MCTP1: variants seen among roughly 807,000 people sequenced by gnomAD.
MCTP1 encodes the protein multiple C2 and transmembrane domain-containing protein 1.
In MCTP1, 69 loss-of-function variants were observed where a neutral mutation model predicts 120.6. The observed-to-expected ratio is 0.57, with a 90% CI of 0.47 to 0.70. MCTP1 has a LOEUF of 0.70. Among genes scored for constraint, MCTP1 ranks in the 30% least tolerant of loss-of-function variants. The probability of loss-of-function intolerance (pLI) is 0.00; values close to 1 mark genes in which losing one functional copy is unlikely to be tolerated. For missense variants in MCTP1, 1,203 were observed against 1,248.8 expected (o/e 0.96, Z 0.55); for synonymous variants, 529 against 493.1 (o/e 1.07, Z -0.96).
intron 1 of MCTP1, among the ~76,000 whole-genome samples, chr5:95,168,072 A>G (rs1276513046): frequency 6.6e-6 from 1 of 152,164 alleles, no homozygotes; most frequent in Non-Finnish European, 1.5e-5. Flanking sequence ...TAATTTTTGT[A>G]TAAGGTGTAA....
chr5:95,178,249 G>A (rs1032905519), intron 1 of MCTP1, among the ~76,000 whole-genome samples: 8 of 152,204 alleles, frequency 5.3e-5, no homozygotes, highest in African/African-American at 1.9e-4. Context: ...CCCACCTAGT[G>A]GTCTTTCTCT....
In MCTP1 at chr5:94,964,944, G is replaced by A. The variant is rs1341778577; in HGVS notation, c.839-11583C>T. 2.6e-5 allele frequency among the ~76,000 whole-genome samples: 4 copies of A among 151,924 alleles called. No individual in the cohort carries two copies. In the East Asian group the frequency reaches 5.8e-4, roughly 22 times the overall value. ...AGTTATTTTTAATAATTTTGTCTTT[G>A]AACTTTCATAATAAATTTAAAAATG... On this transcript the variant is annotated intron_variant, in intron 2 of 22. Coordinates refer to ENST00000515393, the MANE Select transcript of MCTP1 (RefSeq NM_024717.7).
chr5:94,957,927 A>G lies in MCTP1; in HGVS notation c.839-4566T>C, dbSNP rs771224827. ...GCTCTGGACTAAGTGGACCTAATAGACATCTACAGAATTCTCCACCCCAGA... is the reference window on the plus strand; with the variant it reads ...GCTCTGGACTAAGTGGACCTAATAGGCATCTACAGAATTCTCCACCCCAGA... On this transcript the variant is annotated intron_variant, in intron 2 of 22. Transcript: ENST00000515393. 2.6e-5 allele frequency among the ~76,000 whole-genome samples: 4 copies of G among 152,252 alleles called. No individual in the cohort carries two copies. In the East Asian group the frequency reaches 7.7e-4, roughly 29 times the overall value.
chr5:95,018,672 T>C (rs2153669946), intron 1 of MCTP1, among the ~76,000 whole-genome samples: 1 of 152,216 alleles, frequency 6.6e-6, no homozygotes, highest in South Asian at 2.1e-4. Context: ...TCCTTGTTTC[T>C]ATAAATGATT....
At chr5:94,894,552 GACA>G (rs1803441116) in intron 11 of MCTP1, 94 bp downstream of exon 11, 3 of 895,238 alleles carry the variant, frequency 3.4e-6, no homozygotes, top group Middle Eastern at 3.8e-4. Context: ...TCTTCCACCA[GACA>G]ACTTCTCAGA....
chr5:95,048,265 A>T (rs975382834), intron 1 of MCTP1, among the ~76,000 whole-genome samples: 3 of 152,212 alleles, frequency 2.0e-5, no homozygotes, highest in Non-Finnish European at 4.4e-5. Flanking sequence ...AATGCATAAC[A>T]TATGGCTTAT....
At chr5:94,951,620 A>G (rs1820609209) in intron 3 of MCTP1, among the ~76,000 whole-genome samples, 1 of 150,176 alleles carries the variant, frequency 6.7e-6, no homozygotes, top group Non-Finnish European at 1.5e-5. Context: ...CCACCTCCCC[A>G]CCCCAGAAAT....
At chr5:95,092,740 C>A (rs1045323426) in intron 1 of MCTP1, among the ~76,000 whole-genome samples, 1 of 151,960 alleles carries the variant, frequency 6.6e-6, no homozygotes, top group Non-Finnish European at 1.5e-5. Flanking sequence ...TGTGAATATA[C>A]CATTTTCAAA....
chr5:94,935,019 A>C (rs534722411), intron 5 of MCTP1, among the ~76,000 whole-genome samples: 69 of 152,092 alleles, frequency 4.5e-4, no homozygotes, highest in African/African-American at 1.3e-3. Flanking sequence ...TACAGGTTCA[A>C]AAATAGGACA....
At chr5:95,088,518 T>C (rs1353943043) in intron 1 of MCTP1, among the ~76,000 whole-genome samples, 1 of 152,210 alleles carries the variant, frequency 6.6e-6, no homozygotes, top group Non-Finnish European at 1.5e-5. Context: ...AAGCAGGTAC[T>C]ACTCGGAGCA....
At chr5:94,753,867 G>T (rs1769103332) in intron 19 of MCTP1, among the ~76,000 whole-genome samples, 1 of 152,176 alleles carries the variant, frequency 6.6e-6, no homozygotes, top group Non-Finnish European at 1.5e-5. Flanking sequence ...TGGGGTGGAA[G>T]GAAAGCGTAA....
intron 1 of MCTP1, among the ~76,000 whole-genome samples, chr5:95,083,147 TG>T (rs1755136959): frequency 6.6e-6 from 1 of 152,208 alleles, no homozygotes; most frequent in Admixed American, 6.5e-5. Flanking sequence ...ATTTAATAAA[TG>T]AATAAAATAT....
chr5:95,015,628 T>G (rs1008563501), intron 2 of MCTP1, among the ~76,000 whole-genome samples: 2 of 152,132 alleles, frequency 1.3e-5, no homozygotes, highest in African/African-American at 4.8e-5. Context: ...CGTTGCATAT[T>G]GTTGATACTC....
chr5:94,765,709 A>AAG (rs1491244711), intron 19 of MCTP1, among the ~76,000 whole-genome samples: 1 of 43,066 alleles, frequency 2.3e-5, no homozygotes, highest in Non-Finnish European at 4.9e-5. Flanking sequence ...CTCAAAAAAG[A>AAG]AAAAAAAAAA....
At chr5:95,038,848 T>C (rs1841811021) in intron 1 of MCTP1, among the ~76,000 whole-genome samples, 1 of 152,226 alleles carries the variant, frequency 6.6e-6, no homozygotes, top group Admixed American at 6.5e-5. Flanking sequence ...GCTTGAGATT[T>C]TCTTCCAACA....
Position 94,708,613 on chromosome 5 carries a change from A to C in MCTP1, c.2831-4T>G, listed in dbSNP as rs1426847632. ...TTTTTTGTAAATTTATTGATGCCTG[A>C]AACAAAGTTGGAGTTAAACAAAGCA... is the stretch of plus-strand genomic sequence containing the variant. On this transcript the variant is annotated splice_polypyrimidine_tract_variant and splice_region_variant and intron_variant, in intron 21 of 22. Transcript: ENST00000515393. 1 of 1,577,388 alleles carries C rather than the reference A, an allele frequency of 6.3e-7. No homozygotes were observed. Among genetic ancestry groups the C allele is most frequent in the Non-Finnish European group, 8.7e-7 (1 of 1,147,572 alleles).
intron 1 of MCTP1, among the ~76,000 whole-genome samples, chr5:95,140,916 C>T (rs1001476134): frequency 1.4e-4 from 19 of 138,380 alleles, no homozygotes; most frequent in Non-Finnish European, 2.3e-4. Context: ...TGCCATTTAA[C>T]GAGAATGTAC....
intron 2 of MCTP1, among the ~76,000 whole-genome samples, chr5:94,973,996 A>G (rs1724498751): frequency 6.6e-6 from 1 of 152,146 alleles, no homozygotes; most frequent in Non-Finnish European, 1.5e-5. Context: ...TACATAATAC[A>G]TATCAAGTAC....
At chr5:95,089,203 T>C (rs1755668562) in intron 1 of MCTP1, among the ~76,000 whole-genome samples, 1 of 152,212 alleles carries the variant, frequency 6.6e-6, no homozygotes, top group Non-Finnish European at 1.5e-5. Context: ...TTAGTTTGCA[T>C]CTTTTTTTCC....
Sources: gnomAD v4.1 joint callset for allele counts (sites outside exome capture counted in the v4.1 genomes callset) on GRCh38, gnomAD v4.1.1 for gene constraint, MANE v1.5 for transcripts, NCBI Gene and HGNC (gene_info 2026-07-23, HGNC 2026-07-21) for gene names.